Variants in LRRC9 observed in about 807,000 individuals in gnomAD.
The protein encoded by LRRC9 is leucine-rich repeat-containing protein 9.
LRRC9 carries 122 observed loss-of-function variants against 63.2 expected under a neutral mutation model. That is an observed-to-expected ratio of 1.93 (90% CI 1.67 to 2.24). The LOEUF is 2.24. Ranked by LOEUF, LRRC9 falls within the 30% of genes most tolerant of loss-of-function variation. The probability of loss-of-function intolerance (pLI) is 0.00; values close to 1 mark genes in which losing one functional copy is unlikely to be tolerated. For synonymous variants in LRRC9, 366 were observed against 213.1 expected, an observed-to-expected ratio of 1.72 and a Z score of -6.25; for missense variants, 1,071 against 627.7, an observed-to-expected ratio of 1.71 and a Z score of -7.55.
intron 7 of LRRC9, among the ~76,000 whole-genome samples, chr14:59,939,731 C>T (rs1479511553): frequency 4.0e-5 from 6 of 151,720 alleles, no homozygotes; most frequent in Middle Eastern, 3.4e-3. Context: ...TGCTATTTGA[C>T]GACATGAGGA....
intron 10 of LRRC9, among the ~76,000 whole-genome samples, 151 bp downstream of exon 10, chr14:59,961,196 T>C (rs1239403606): frequency 6.6e-6 from 1 of 152,216 alleles, no homozygotes; most frequent in Non-Finnish European, 1.5e-5. Context: ...GGCAGGCATC[T>C]ATTGAAAACT....
chr14:59,999,799 G>T (rs944617486), intron 19 of LRRC9, among the ~76,000 whole-genome samples: 1 of 151,906 alleles, frequency 6.6e-6, no homozygotes, highest in South Asian at 2.1e-4. Context: ...ATAATGTTTA[G>T]TTTTGGATCT....
chr14:60,016,031 T>C (rs1427351655), intron 23 of LRRC9, among the ~76,000 whole-genome samples: 1 of 152,106 alleles, frequency 6.6e-6, no homozygotes, highest in Non-Finnish European at 1.5e-5. Flanking sequence ...TTTGTGGACT[T>C]TGTCTTGTTA....
Position 59,949,473 on chromosome 14 carries a change from T to C in LRRC9, c.882+4729T>C, listed in dbSNP as rs1594850472. Among the ~76,000 whole-genome samples the C allele has an allele frequency of 1.5e-4, 22 of 150,798 alleles. No homozygotes were observed. In the South Asian group the frequency reaches 4.5e-3, roughly 31 times the overall value. ...TCAAAAAACCAGCTCCTGGATTCAT[T>C]GATTTTTTGAAGGGTTTTTTGTGTC... is the stretch of plus-strand genomic sequence containing the variant. On this transcript the variant is annotated intron_variant, in intron 8 of 31. Coordinates refer to ENST00000445360, the Ensembl canonical transcript of LRRC9.
Position 59,964,293 on chromosome 14 carries a change from T to C in LRRC9, c.1212-2296T>C, listed in dbSNP as rs1360256382. Among the ~76,000 whole-genome samples, 1 of 152,256 alleles carries C rather than the reference T, an allele frequency of 6.6e-6. No individual in the cohort carries two copies. The highest frequency in any genetic ancestry group is 2.4e-5 in the African/African-American group (1 of 41,478). Reference sequence around the variant, plus strand: ...TATAGTTTTAGACTATCATAACTTCTGTTCAACTCTTTTAAAGTCAGCTGA... The same window carrying C: ...TATAGTTTTAGACTATCATAACTTCCGTTCAACTCTTTTAAAGTCAGCTGA... On this transcript the variant is annotated intron_variant, in intron 10 of 31. Coordinates refer to ENST00000445360, the Ensembl canonical transcript of LRRC9. The surrounding 1 kb of genome is among the most constrained non-coding windows in gnomAD (Gnocchi z 4.4).
intron 31 of LRRC9, 37 bp downstream of exon 32, chr14:60,062,216 C>T (rs1894699431): frequency 5.0e-6 from 2 of 398,008 alleles, no homozygotes; most frequent in Non-Finnish European, 8.9e-6. Flanking sequence ...TATCATTTCT[C>T]ATCATTAAAA....
At chr14:60,011,473 G>C (rs1400559047) in intron 23 of LRRC9, among the ~76,000 whole-genome samples, 1 of 152,134 alleles carries the variant, frequency 6.6e-6, no homozygotes, top group Non-Finnish European at 1.5e-5. Flanking sequence ...TTGCCTAAAA[G>C]CTCAGGACCA....
chr14:59,926,839 A>C (rs1889250732), intron 1 of LRRC9, among the ~76,000 whole-genome samples: 1 of 152,184 alleles, frequency 6.6e-6, no homozygotes, highest in East Asian at 1.9e-4. Context: ...ATTTGTAGCT[A>C]TGACCTGTAT....
chr14:60,033,978 A>G (rs1338136198), intron 29 of LRRC9, among the ~76,000 whole-genome samples: 3 of 145,302 alleles, frequency 2.1e-5, no homozygotes, highest in Admixed American at 2.0e-4. Flanking sequence ...AAGTTGTATT[A>G]TCTAGAAAAT....
chr14:59,933,790 G>C (rs1049104363), intron 6 of LRRC9, among the ~76,000 whole-genome samples: 8 of 152,132 alleles, frequency 5.3e-5, no homozygotes, highest in Non-Finnish European at 1.2e-4. Flanking sequence ...GGCATTCTAA[G>C]ACGGGGAAAA....
At chr14:60,062,260 A>G (rs575169633) in intron 31 of LRRC9, 81 bp downstream of exon 32, 1 of 396,774 alleles carries the variant, frequency 2.5e-6, no homozygotes, top group Non-Finnish European at 4.4e-6. Flanking sequence ...CATGTATAAC[A>G]GGAAATATTG....
intron 22 of LRRC9, among the ~76,000 whole-genome samples, chr14:60,006,995 A>G (rs550710173): frequency 6.6e-6 from 1 of 152,202 alleles, no homozygotes; most frequent in East Asian, 1.9e-4. Flanking sequence ...AAAAACCACT[A>G]ATTTAAGGCT....
chr14:59,945,683 A>G (rs1882294380), intron 8 of LRRC9, among the ~76,000 whole-genome samples: 1 of 152,072 alleles, frequency 6.6e-6, no homozygotes, highest in South Asian at 2.1e-4. Flanking sequence ...TGTCTTCAAC[A>G]AACATGATGG....
In LRRC9 at chr14:60,042,068, AT is replaced by A. The variant is rs1172679930; in HGVS notation, c.3990+10007del. The stretch of plus-strand genomic sequence containing the variant: ...CAGCGGAGGCTGCAGAACAGCAAAG[AT>A]TGCAGAACGGCAAATGTTGCTGCTT... On this transcript the variant is annotated intron_variant, in intron 29 of 31. Transcript: ENST00000445360. This position sits in a 1 kb window ranked among gnomAD's most constrained non-coding sequence, Gnocchi z 4.2. Among the ~76,000 whole-genome samples, 1 of 152,192 alleles carries A rather than the reference AT, an allele frequency of 6.6e-6. No homozygotes were observed. Among genetic ancestry groups the A allele is most frequent in the Admixed American group, 6.5e-5 (1 of 15,282 alleles).
At position 60,027,750 on chromosome 14, in the gene LRRC9, T is replaced by A; in HGVS notation, c.3704-134T>A. The A allele has an allele frequency of 1.9e-6, 1 of 532,686 alleles. No individual in the cohort carries two copies. The highest frequency in any genetic ancestry group is 2.9e-5 in the South Asian group (1 of 34,404). The allele number at this position is 532,686 out of a possible 1,614,324, so 33.0% of individuals were successfully genotyped here. ...CTGTAAATTACATTTCAATTTCTCT[T>A]TGGAAATAAGTTTCTTGAATCCTTT... On this transcript the variant is annotated intron_variant, in intron 27 of 31. Coordinates refer to ENST00000445360, the Ensembl canonical transcript of LRRC9. The surrounding 1 kb of genome is among the most constrained non-coding windows in gnomAD (Gnocchi z 4.0).
At chr14:60,025,470 T>C (rs1286288588) in intron 27 of LRRC9, among the ~76,000 whole-genome samples, 1 of 151,926 alleles carries the variant, frequency 6.6e-6, no homozygotes, top group Non-Finnish European at 1.5e-5. Context: ...TCTATTTCAA[T>C]CTAATAATGT....
Position 59,920,832 on chromosome 14 carries a change from T to C in LRRC9, c.-34+949T>C, listed in dbSNP as rs563891414. On this transcript the variant is annotated intron_variant, in intron 1 of 31. Transcript: ENST00000445360. ...GATTATGTCTTTAAATTATACCATA[T>C]GCCTGTGGCATGACAATTAACCCAT... is the stretch of plus-strand genomic sequence containing the variant. 2.6e-5 allele frequency among the ~76,000 whole-genome samples: 4 copies of C among 152,386 alleles called. No homozygotes were observed. The South Asian group carries it at 6.2e-4, about 24-fold the overall frequency.
chr14:60,016,813 CTTTT>C (rs1566878904), intron 24 of LRRC9, 23 bp downstream of exon 24: 1 of 639,306 alleles, frequency 1.6e-6, no homozygotes, highest in Non-Finnish European at 2.9e-6. Context: ...TATTATATGC[CTTTT>C]TACATTATAA....
chr14:59,934,447 A>G (rs1476768608), intron 6 of LRRC9, among the ~76,000 whole-genome samples: 1 of 152,254 alleles, frequency 6.6e-6, no homozygotes, highest in Non-Finnish European at 1.5e-5. Flanking sequence ...GGTAAAGAGC[A>G]GTCATACCTT....
Sources: allele counts gnomAD v4.1 joint callset (sites outside exome capture counted in the v4.1 genomes callset), GRCh38; gene constraint gnomAD v4.1.1; non-coding constraint Gnocchi (gnomAD v3.1); transcripts MANE v1.5; gene names NCBI Gene and HGNC (gene_info 2026-07-23, HGNC 2026-07-21).